The following RPGRIP1 variants were observed in gnomAD, a reference collection of about 807,000 sequenced individuals.
The protein encoded by RPGRIP1 is X-linked retinitis pigmentosa GTPase regulator-interacting protein 1.
RPGRIP1 carries 128 observed loss-of-function variants against 157.9 expected under a neutral mutation model. The observed-to-expected ratio is 0.81, with a 90% CI of 0.70 to 0.94. RPGRIP1 has a LOEUF of 0.94. Ranked by LOEUF, RPGRIP1 falls within the 40% of genes least tolerant of loss-of-function variation. The pLI is 0.00. For synonymous variants in RPGRIP1, 554 were observed against 571.6 expected, an observed-to-expected ratio of 0.97 and a Z score of 0.44; for missense variants, 1,486 against 1,545.8, an observed-to-expected ratio of 0.96 and a Z score of 0.65.
intron 1 of RPGRIP1, among the ~76,000 whole-genome samples, chr14:21,284,590 G>C (rs1480693206): frequency 6.9e-6 from 1 of 145,360 alleles, no homozygotes; most frequent in Non-Finnish European, 1.5e-5. Flanking sequence ...TGTCACCCAG[G>C]CTGGAGTACA....
At chr14:21,333,094 T>G (rs1349069695) in intron 20 of RPGRIP1, among the ~76,000 whole-genome samples, 1 of 152,162 alleles carries the variant, frequency 6.6e-6, no homozygotes, top group Non-Finnish European at 1.5e-5. Flanking sequence ...GAGCAATGCT[T>G]CATTTCAAAA....
At position 21,312,330 on chromosome 14, in the gene RPGRIP1, T is replaced by C. The variant is rs965899524; in HGVS notation, c.1078-103T>C. The C allele has an allele frequency of 4.1e-5, 29 of 708,110 alleles. No individual in the cohort carries two copies. In the African/African-American group the frequency reaches 4.7e-4, roughly 12 times the overall value. The allele number at this position is 708,110 out of a possible 1,614,324, so 43.9% of individuals were successfully genotyped here. ...GCTTCTCAGACACTGGAGATGGTGA[T>C]AGAAAGCCTCTCACCCACGCCCCTC... On this transcript the variant is annotated intron_variant, in intron 9 of 24. Transcript: ENST00000400017.
intron 6 of RPGRIP1, among the ~76,000 whole-genome samples, chr14:21,305,161 C>T (rs1309798833): frequency 6.6e-6 from 1 of 152,158 alleles, no homozygotes; most frequent in African/African-American, 2.4e-5. Flanking sequence ...ATCATTATAG[C>T]ATCATACAGA....
intron 3 of RPGRIP1, among the ~76,000 whole-genome samples, chr14:21,300,705 C>CTTTTTTTTT (rs918137131): frequency 2.7e-5 from 2 of 73,502 alleles, no homozygotes; most frequent in African/African-American, 5.5e-5. Context: ...AGTGGCTCAA[C>CTTTTTTTTT]TTTTTTTTTT....
Position 21,325,085 on chromosome 14 carries a change from C to A in RPGRIP1, c.2215+15C>A. The A allele has an allele frequency of 6.3e-7, 1 of 1,588,912 alleles. No individual in the cohort carries two copies. Among genetic ancestry groups the A allele is most frequent in the Non-Finnish European group, 8.6e-7 (1 of 1,163,862 alleles). On this transcript the variant is annotated intron_variant, in intron 15 of 24. Coordinates refer to ENST00000400017, the MANE Select transcript of RPGRIP1 (RefSeq NM_020366.4). ...CACACTGATTGGTAAGTGCCGTTGG[C>A]TTCCTGCGGCTCCTAAGCACCAATG...
At chr14:21,320,843 C>A (rs921728082) in intron 12 of RPGRIP1, among the ~76,000 whole-genome samples, 1 of 152,076 alleles carries the variant, frequency 6.6e-6, no homozygotes, top group Non-Finnish European at 1.5e-5. Context: ...TCTGGTGATC[C>A]GCCCAACTCA....
intron 6 of RPGRIP1, among the ~76,000 whole-genome samples, chr14:21,304,420 A>AAAGG (rs1555365577): frequency 1.7e-3 from 252 of 150,924 alleles, no homozygotes; most frequent in African/African-American, 5.8e-3. Context: ...AGAAAGAAAG[A>AAAGG]AAGAAAGAAA....
rs778779328 is a variant in RPGRIP1, at chr14:21,325,323, G to A, written c.2307G>A (p.Lys769=). 3 of 1,607,220 alleles carry A rather than the reference G, an allele frequency of 1.9e-6. No individual in the cohort carries two copies. In the Admixed American group the frequency reaches 5.1e-5, roughly 28 times the overall value. The part of the protein sequence containing the change: ...KPSLQACNKR[K]KAQVYLSTDV... The stretch of plus-strand genomic sequence containing the variant: ...GCCTACAGGCGTGCAATAAACGAAA[G>A]AAAGCCCAGGTCTACCTGTCAACCG... Residue 769 remains lysine, a synonymous_variant, in exon 16 of 25, where the codon AAG becomes AAA. Coordinates refer to ENST00000400017, the MANE Select transcript of RPGRIP1 (RefSeq NM_020366.4).
At chr14:21,341,307 A>G (rs1024713022) in intron 21 of RPGRIP1, among the ~76,000 whole-genome samples, 3 of 152,134 alleles carry the variant, frequency 2.0e-5, no homozygotes, top group Non-Finnish European at 4.4e-5. Context: ...CTGGTATTAC[A>G]GGTGTGAGCC....
chr14:21,302,830 A>G, intron 5 of RPGRIP1: 1 of 221,046 alleles, frequency 4.5e-6, no homozygotes, highest in Non-Finnish European at 8.6e-6. Flanking sequence ...ATTTACATTT[A>G]TATTTTTTTC....
intron 6 of RPGRIP1, among the ~76,000 whole-genome samples, chr14:21,307,329 TAGGCGTG>T (rs1242210939): frequency 6.6e-6 from 1 of 152,192 alleles, no homozygotes; most frequent in Admixed American, 6.5e-5. Context: ...GCTGGGATTA[TAGGCGTG>T]AGCCACGGTG....
At chr14:21,335,046 CAAAAAAAA>C (rs869065591) in intron 21 of RPGRIP1, among the ~76,000 whole-genome samples, 12 of 28,046 alleles carry the variant, frequency 4.3e-4, no homozygotes, top group Non-Finnish European at 5.2e-4. Context: ...AACTCTGTCT[CAAAAAAAA>C]AAAAAAAAAA....
chr14:21,346,764 T>C (rs961697752), intron 23 of RPGRIP1, among the ~76,000 whole-genome samples: 1 of 152,208 alleles, frequency 6.6e-6, no homozygotes, highest in Non-Finnish European at 1.5e-5. Flanking sequence ...TTTCAGCTCC[T>C]GGGCTGAAGC....
rs397852011 is a variant in RPGRIP1 at position 21,285,605 on chromosome 14, C to CAA, written c.-38-2321_-38-2320dup. Among the ~76,000 whole-genome samples the CAA allele has an allele frequency of 2.3e-3, 293 of 129,546 alleles. 1 individual carries two copies. The highest frequency in any genetic ancestry group is 3.0e-3 in the Non-Finnish European group (188 of 61,832). 85.0% of individuals were successfully genotyped at this position (129,546 alleles called of 152,430 possible). On this transcript the variant is annotated intron_variant, in intron 1 of 24. Coordinates refer to ENST00000400017, the MANE Select transcript of RPGRIP1 (RefSeq NM_020366.4). ...GGGTGACAGAGTGAGACTCCATCTC[C>CAA]AAAAAAAAAAAAAAGAGCAAGAAAG...
At position 21,302,530 on chromosome 14, in the gene RPGRIP1, A is replaced by T. The variant is rs1555365397; in HGVS notation, c.533A>T (p.Lys178Met). Residue 178 changes from lysine (K) to methionine (M), a missense_variant, in exon 5 of 25, where the codon AAG becomes ATG. Lys to Met is a moderately conservative substitution (Grantham distance 95). Transcript: ENST00000400017. ...AGCTACACAGCCCCTCCATCGTTTA[A>T]GGAGCATGCGACAAATGAAAACAGA... is the stretch of plus-strand genomic sequence containing the variant. Reference protein sequence around the residue: ...RLSYTAPPSFKEHATNENRGE... With the variant: ...RLSYTAPPSFMEHATNENRGE... 7 of 1,590,874 alleles carry T rather than the reference A, an allele frequency of 4.4e-6. No individual in the cohort carries two copies. Among genetic ancestry groups the T allele is most frequent in the Non-Finnish European group, 6.0e-6 (7 of 1,167,248 alleles).
At chr14:21,320,386 G>A (rs1183953695) in intron 12 of RPGRIP1, among the ~76,000 whole-genome samples, 1 of 149,824 alleles carries the variant, frequency 6.7e-6, no homozygotes, top group South Asian at 2.1e-4. Flanking sequence ...GCCCCCTGGG[G>A]TTCACGCCGT....
chr14:21,313,520 C>T (rs1244719916), intron 10 of RPGRIP1, among the ~76,000 whole-genome samples: 5 of 152,016 alleles, frequency 3.3e-5, no homozygotes, highest in Admixed American at 2.0e-4. Flanking sequence ...CCAGGCGCGG[C>T]GGCTCATGCC....
chr14:21,282,236 A>C (rs1880158029), intron 1 of RPGRIP1, among the ~76,000 whole-genome samples: 3 of 152,074 alleles, frequency 2.0e-5, no homozygotes, highest in Admixed American at 2.0e-4. Flanking sequence ...ATATCACTGC[A>C]AGGAAATTTT....
chr14:21,281,704 A>AAATAAT (rs59116272), intron 1 of RPGRIP1, among the ~76,000 whole-genome samples: 9,904 of 133,830 alleles, frequency 0.074, 382 homozygotes, highest in East Asian at 0.16. Flanking sequence ...AAAAAAAAAT[A>AAATAAT]AATAATAATA....
Sources: gnomAD v4.1 joint callset for allele counts (sites outside exome capture counted in the v4.1 genomes callset) on GRCh38, gnomAD v4.1.1 for gene constraint, MANE v1.5 for transcripts, NCBI Gene and HGNC (gene_info 2026-07-23, HGNC 2026-07-21) for gene names.